The following CNTN6 variants were observed in gnomAD, a reference collection of about 807,000 sequenced individuals.
CNTN6 encodes the protein contactin 6, also known as contactin-6.
A neutral mutation model predicts 122.8 loss-of-function variants in CNTN6; 137 were observed. The ratio of observed to expected loss-of-function variants is 1.12; its 90% CI spans 0.97 to 1.29. The LOEUF is 1.29. Among genes scored for constraint, CNTN6 ranks in the 50% most tolerant of loss-of-function variants. The probability of loss-of-function intolerance (pLI) is 0.00; values close to 1 mark genes in which losing one functional copy is unlikely to be tolerated. For missense variants in CNTN6, 1,634 were observed against 1,223.4 expected, an observed-to-expected ratio of 1.34 and a Z score of -5.01; for synonymous variants, 570 against 426.0, an observed-to-expected ratio of 1.34 and a Z score of -4.16.
At chr3:1,180,225 G>C (rs1315605650) in intron 2 of CNTN6, among the ~76,000 whole-genome samples, 1 of 152,168 alleles carries the variant, frequency 6.6e-6, no homozygotes, top group Non-Finnish European at 1.5e-5. Flanking sequence ...GAGAGAGAGA[G>C]ACAGTGAGAG....
intron 4 of CNTN6, among the ~76,000 whole-genome samples, chr3:1,250,827 C>G (rs1281268797): frequency 6.6e-6 from 1 of 152,186 alleles, no homozygotes; most frequent in Non-Finnish European, 1.5e-5. Flanking sequence ...CTTCTCCTCT[C>G]TGGCTGAACT....
intron 11 of CNTN6, among the ~76,000 whole-genome samples, chr3:1,340,064 T>C (rs768907946): frequency 5.9e-5 from 9 of 152,162 alleles, no homozygotes; most frequent in Non-Finnish European, 1.2e-4. Context: ...GAGAGGCATT[T>C]ATTCATATTT....
In CNTN6 at chr3:1,403,911, C is replaced by A. The variant is rs1254221291; in HGVS notation, c.*493C>A. 2.0e-5 allele frequency: 3 copies of A among 152,026 alleles called. No individual in the cohort carries two copies. The highest frequency in any genetic ancestry group is 7.2e-5 in the African/African-American group (3 of 41,392). The allele number at this position is 152,026 out of a possible 1,614,324, so 9.4% of individuals were successfully genotyped here. ...GCATGGGGTGCTTTTATCTCTGAAT[C>A]AAGTTGGAATAAGAAATCTTTTTAC... On this transcript the variant is annotated 3_prime_UTR_variant, in exon 23 of 23. Transcript: ENST00000446702.
intron 1 of CNTN6, among the ~76,000 whole-genome samples, chr3:1,100,262 A>G (rs2090811991): frequency 6.6e-6 from 1 of 152,190 alleles, no homozygotes. Context: ...TTCTAAAATA[A>G]TACTGTAGTT....
At chr3:1,243,772 G>A (rs560839603) in intron 4 of CNTN6, among the ~76,000 whole-genome samples, 12 of 152,144 alleles carry the variant, frequency 7.9e-5, no homozygotes, top group African/African-American at 1.9e-4. Flanking sequence ...AAGCCAGACC[G>A]GGTGTGAGGA....
At chr3:1,300,069 C>T (rs1224714112) in intron 7 of CNTN6, among the ~76,000 whole-genome samples, 4 of 151,996 alleles carry the variant, frequency 2.6e-5, no homozygotes, top group Non-Finnish European at 5.9e-5. Context: ...CTCTGCCACC[C>T]GGGTTCCCGC....
At chr3:1,188,423 A>G (rs1278533937) in intron 2 of CNTN6, among the ~76,000 whole-genome samples, 1 of 152,220 alleles carries the variant, frequency 6.6e-6, no homozygotes, top group Non-Finnish European at 1.5e-5. Flanking sequence ...TGGAATTTGC[A>G]GAAGTTGATA....
intron 1 of CNTN6, among the ~76,000 whole-genome samples, chr3:1,098,128 T>A (rs998166533): frequency 2.8e-4 from 43 of 152,008 alleles, no homozygotes; most frequent in African/African-American, 1.0e-3. Context: ...GAGATATACC[T>A]AATGCTAGAT....
At chr3:1,354,696 GT>G (rs1376486294) in intron 12 of CNTN6, among the ~76,000 whole-genome samples, 1 of 151,500 alleles carries the variant, frequency 6.6e-6, no homozygotes, top group African/African-American at 2.4e-5. Flanking sequence ...TTAATAAAAT[GT>G]TATTATCTTA....
At chr3:1,094,133 T>TA (rs1194564554) in intron 1 of CNTN6, among the ~76,000 whole-genome samples, 2 of 152,378 alleles carry the variant, frequency 1.3e-5, no homozygotes, top group East Asian at 3.9e-4. Context: ...ATATGCTGAA[T>TA]ATTGAATTGC....
At chr3:1,246,947 C>G (rs187345457) in intron 4 of CNTN6, among the ~76,000 whole-genome samples, 1 of 151,976 alleles carries the variant, frequency 6.6e-6, no homozygotes, top group Non-Finnish European at 1.5e-5. Flanking sequence ...TGTAGGAAAC[C>G]GCTTCTACTG....
chr3:1,320,684 T>C (rs1700723658), intron 7 of CNTN6, among the ~76,000 whole-genome samples: 1 of 151,788 alleles, frequency 6.6e-6, no homozygotes, highest in Admixed American at 6.6e-5. Flanking sequence ...AGGAGAGATA[T>C]TAATGTGAAC....
At chr3:1,143,938 A>T (rs888836930) in intron 1 of CNTN6, among the ~76,000 whole-genome samples, 2 of 152,198 alleles carry the variant, frequency 1.3e-5, no homozygotes, top group African/African-American at 4.8e-5. Flanking sequence ...ACTGACAATC[A>T]ATGTGATTGT....
intron 1 of CNTN6, among the ~76,000 whole-genome samples, chr3:1,138,615 G>GT (rs1186032344): frequency 2.7e-4 from 41 of 151,890 alleles, no homozygotes; most frequent in African/African-American, 9.9e-4. Flanking sequence ...TTAAAAAAGG[G>GT]TTTTTTCCTC....
chr3:1,400,026 A>G lies in CNTN6; in HGVS notation c.2705-1407A>G, dbSNP rs115800604. ...GAGAATGTATGGTAATATATTTGAG[A>G]CACCTGGATTCAGCAATATGTGAAT... On this transcript the variant is annotated intron_variant, in intron 20 of 22. Transcript: ENST00000446702. Among the ~76,000 whole-genome samples the G allele has an allele frequency of 8.4e-3, 1,282 of 152,222 alleles. 16 individuals carry two copies. The highest frequency in any genetic ancestry group is 0.029 in the African/African-American group (1,207 of 41,556).
intron 1 of CNTN6, among the ~76,000 whole-genome samples, chr3:1,097,217 T>C (rs2090576167): frequency 6.6e-6 from 1 of 152,218 alleles, no homozygotes. Flanking sequence ...TTAGTTTATA[T>C]TGATGAAGTC....
chr3:1,170,138 G>T (rs1432248938), intron 2 of CNTN6, among the ~76,000 whole-genome samples: 1 of 146,242 alleles, frequency 6.8e-6, no homozygotes, highest in Non-Finnish European at 1.5e-5. Context: ...CTAGGAGGCT[G>T]AGACAAGAGA....
intron 5 of CNTN6, among the ~76,000 whole-genome samples, chr3:1,291,322 C>T (rs931261921): frequency 3.3e-5 from 5 of 152,066 alleles, no homozygotes; most frequent in African/African-American, 1.2e-4. Flanking sequence ...AAGGACACAC[C>T]ACATGTAGGA....
intron 20 of CNTN6, among the ~76,000 whole-genome samples, chr3:1,390,239 A>T (rs910432483): frequency 6.6e-5 from 10 of 152,218 alleles, no homozygotes; most frequent in African/African-American, 2.4e-4. Context: ...TCAAACTAGA[A>T]CTCAAGATTA....
Sources: allele counts gnomAD v4.1 joint callset (sites outside exome capture counted in the v4.1 genomes callset), GRCh38; gene constraint gnomAD v4.1.1; transcripts MANE v1.5; gene names NCBI Gene and HGNC (gene_info 2026-07-23, HGNC 2026-07-21).